The following N4BP2 variants were observed in gnomAD, a reference collection of about 807,000 sequenced individuals.
N4BP2 encodes the protein NEDD4-binding protein 2.
A neutral mutation model predicts 152.8 loss-of-function variants in N4BP2; 91 were observed. That is an observed-to-expected ratio of 0.60 (90% CI 0.50 to 0.71). The LOEUF (loss-of-function observed/expected upper bound fraction) is 0.71. Among genes scored for constraint, N4BP2 ranks in the 30% least tolerant of loss-of-function variants. The probability of loss-of-function intolerance (pLI) is 0.00; values close to 1 mark genes in which losing one functional copy is unlikely to be tolerated. For synonymous variants in N4BP2, 646 were observed against 705.3 expected (o/e 0.92, Z 1.33); for missense variants, 1,923 against 2,059.1 (o/e 0.93, Z 1.28).
chr4:40,122,016 A>G lies in N4BP2; in HGVS notation c.3905A>G (p.Glu1302Gly), dbSNP rs760356984. The change falls in exon 9 of 18, where the codon GAA (glutamate) becomes GGA (glycine). Residue 1302 changes from glutamate to glycine, a missense_variant. Glu to Gly is a moderately conservative substitution (Grantham distance 98). Transcript: ENST00000261435. ...SSTSNLELNE[E>G]IYFTDSLEIK... ...ACTTCAAATCTTGAATTAAATGAAG[A>G]AATTTATTTTACTGATTCTCTTGAA... 2 of 1,541,942 alleles carry G rather than the reference A, an allele frequency of 1.3e-6. No homozygotes were observed. Among genetic ancestry groups the G allele is most frequent in the African/African-American group, 1.4e-5 (1 of 72,074 alleles).
intron 11 of N4BP2, 78 bp from the exon 12 acceptor site, chr4:40,126,056 G>C: frequency 1.1e-6 from 1 of 892,060 alleles, no homozygotes; most frequent in Non-Finnish European, 1.6e-6. Flanking sequence ...GGTCTCTGAG[G>C]TAAATATAAC....
rs1483553720 is a variant in N4BP2 at position 40,141,464 on chromosome 4, G to A, written c.4786-1209G>A. ...ATCCCAGACGGGGCGGCGGGGCAGAGGCGCTCCCCACATCTCAGACGATGG... is the reference window on the plus strand; with the variant it reads ...ATCCCAGACGGGGCGGCGGGGCAGAAGCGCTCCCCACATCTCAGACGATGG... On this transcript the variant is annotated intron_variant, in intron 14 of 17. Transcript: ENST00000261435. Among the ~76,000 whole-genome samples, 15 of 148,184 alleles carry A rather than the reference G, an allele frequency of 1.0e-4. No homozygotes were observed. The East Asian group carries it at 1.1e-3, about 11-fold the overall frequency.
chr4:40,099,861 C>T (rs1715458026), intron 3 of N4BP2, among the ~76,000 whole-genome samples: 1 of 151,852 alleles, frequency 6.6e-6, no homozygotes, highest in African/African-American at 2.4e-5. Context: ...AGATTTTTTT[C>T]ATAGAAATAC....
intron 16 of N4BP2, among the ~76,000 whole-genome samples, chr4:40,145,463 A>G (rs1262588691): frequency 6.6e-6 from 1 of 152,176 alleles, no homozygotes; most frequent in East Asian, 1.9e-4. Context: ...GCCTCAAGCA[A>G]TCCACCTGCC....
At chr4:40,165,424 T>C in the N4BP2 span, among the ~76,000 whole-genome samples, 1 of 152,184 alleles carries the variant, frequency 6.6e-6, no homozygotes. Flanking sequence ...AATTTTTGTA[T>C]TTATAGTAGA....
At chr4:40,153,276 G>A (rs1021145657) in intron 17 of N4BP2, among the ~76,000 whole-genome samples, 4 of 152,092 alleles carry the variant, frequency 2.6e-5, no homozygotes, top group African/African-American at 9.7e-5. Flanking sequence ...AAATAATTAG[G>A]TAATATGTAT....
intron 1 of N4BP2, among the ~76,000 whole-genome samples, chr4:40,059,325 C>G (rs1439265451): frequency 1.3e-5 from 2 of 151,816 alleles, no homozygotes; most frequent in South Asian, 2.1e-4. Flanking sequence ...AATCAGTTGT[C>G]TATTAAATGC....
At chr4:40,090,118 G>A (rs1714385558) in intron 2 of N4BP2, among the ~76,000 whole-genome samples, 1 of 152,118 alleles carries the variant, frequency 6.6e-6, no homozygotes, top group Non-Finnish European at 1.5e-5. Flanking sequence ...CTTGTTCCCA[G>A]ATCTATAATC....
At chr4:40,175,458 G>A in the N4BP2 span, among the ~76,000 whole-genome samples, 1 of 152,084 alleles carries the variant, frequency 6.6e-6, no homozygotes, top group Non-Finnish European at 1.5e-5. Context: ...AGACACCTGG[G>A]ATGAACCAGT....
chr4:40,164,333 T>C, the N4BP2 span, among the ~76,000 whole-genome samples: 2 of 152,076 alleles, frequency 1.3e-5, no homozygotes, highest in Non-Finnish European at 2.9e-5. Context: ...ATGTGGGTAT[T>C]TGTTCCTAAG....
chr4:40,132,618 T>C (rs556039308), intron 13 of N4BP2, among the ~76,000 whole-genome samples: 1 of 152,272 alleles, frequency 6.6e-6, no homozygotes, highest in East Asian at 1.9e-4. Flanking sequence ...TTAATTATTG[T>C]AGTGTTATGT....
rs1367404363 is a variant in N4BP2, at chr4:40,071,766, A to G, written c.-211-1689A>G. Among the ~76,000 whole-genome samples, 2 of 152,072 alleles carry G rather than the reference A, an allele frequency of 1.3e-5. 1 individual carries two copies. Among genetic ancestry groups the G allele is most frequent in the African/African-American group, 4.8e-5 (2 of 41,406 alleles). Reference sequence around the variant, plus strand: ...TTTTTAGTAGAGACGAAGTTTCGCCATATTGGCCAGGCTGGTCTTGAACTC... The same window carrying G: ...TTTTTAGTAGAGACGAAGTTTCGCCGTATTGGCCAGGCTGGTCTTGAACTC... On this transcript the variant is annotated intron_variant, in intron 1 of 17. Transcript: ENST00000261435.
chr4:40,102,722 G>C lies in N4BP2; in HGVS notation c.877G>C (p.Ala293Pro). 1.2e-6 allele frequency: 2 copies of C among 1,614,118 alleles called. No homozygotes were observed. Among genetic ancestry groups the C allele is most frequent in the Non-Finnish European group, 1.7e-6 (2 of 1,180,022 alleles). The change falls in exon 4 of 18, where the codon GCT becomes CCT. Residue 293 changes from alanine to proline, a missense_variant. Coordinates refer to ENST00000261435, the MANE Select transcript of N4BP2 (RefSeq NM_018177.6). ...AGATTTGGATGCCAGTGAACCTCAG[G>C]CTTGTTTAAACCTTCCAGGGCTTGA... ...PVDLDASEPQ[A>P]CLNLPGLDLP... is the part of the protein sequence containing the mutation.
intron 2 of N4BP2, among the ~76,000 whole-genome samples, chr4:40,092,413 G>T (rs1579003255): frequency 6.6e-6 from 1 of 151,442 alleles, no homozygotes; most frequent in South Asian, 2.1e-4. Flanking sequence ...CATATAAATT[G>T]TCAAACTTTT....
At chr4:40,138,596 A>G (rs1283166008) in intron 14 of N4BP2, among the ~76,000 whole-genome samples, 2 of 152,206 alleles carry the variant, frequency 1.3e-5, no homozygotes, top group Admixed American at 1.3e-4. Flanking sequence ...AGTGAGATAG[A>G]AGTTCAAGTT....
At chr4:40,149,937 G>A (rs1044388468) in intron 16 of N4BP2, among the ~76,000 whole-genome samples, 3 of 151,728 alleles carry the variant, frequency 2.0e-5, no homozygotes, top group Non-Finnish European at 4.4e-5. Context: ...AGAAAAAAGA[G>A]CTAAGTAATT....
At position 40,121,739 on chromosome 4, in the gene N4BP2, A is replaced by G. The variant is rs140476856; in HGVS notation, c.3628A>G (p.Thr1210Ala). The G allele has an allele frequency of 3.1e-6, 5 of 1,613,924 alleles. No homozygotes were observed. Among genetic ancestry groups the G allele is most frequent in the South Asian group, 2.2e-5 (2 of 91,070 alleles). Residue 1210 changes from threonine to alanine, a missense_variant, in exon 9 of 18, where the codon ACT (threonine) becomes GCT (alanine). By Grantham distance (58) the Thr-to-Ala change is moderately conservative. Transcript: ENST00000261435. ...AGAGCAGGCGGAAATGAGAGCTGTC[A>G]CTCCTGAAAACCATGAATCGATGAC... ...NSEQAEMRAV[T>A]PENHESMTSI...
chr4:40,061,840 T>C (rs1733679634), intron 1 of N4BP2, among the ~76,000 whole-genome samples: 1 of 151,314 alleles, frequency 6.6e-6, no homozygotes, highest in African/African-American at 2.4e-5. Context: ...AATTTTAGTA[T>C]GTTTAGTAGA....
In N4BP2 at chr4:40,137,046, C is replaced by T; in HGVS notation, c.4749C>T (p.Val1583=). Residue 1583 remains valine (V), a synonymous_variant, in exon 14 of 18, where the codon GTC becomes GTT. Coordinates refer to ENST00000261435, the MANE Select transcript of N4BP2 (RefSeq NM_018177.6). ...AQEFVHQNEN[V]TSHTGQKSKE... is the part of the protein sequence containing the mutation. ...AGTTTGTTCACCAAAATGAGAATGT[C>T]ACATCTCATACTGGCCAGAAGTCTA... 6.2e-7 allele frequency: 1 copy of T among 1,613,668 alleles called. No individual in the cohort carries two copies. Among genetic ancestry groups the T allele is most frequent in the South Asian group, 1.1e-5 (1 of 91,050 alleles).
Sources: gnomAD v4.1 joint callset for allele counts (sites outside exome capture counted in the v4.1 genomes callset) on GRCh38, gnomAD v4.1.1 for gene constraint, MANE v1.5 for transcripts, NCBI Gene and HGNC (gene_info 2026-07-23, HGNC 2026-07-21) for gene names.